Variants in RAPGEF4 observed in about 807,000 individuals in gnomAD.
The protein encoded by RAPGEF4 is RAP guanine-nucleotide-exchange factor (GEF) 4.
In RAPGEF4, 66 loss-of-function variants were observed where a neutral mutation model predicts 147.9. The observed-to-expected ratio is 0.45, with a 90% CI of 0.37 to 0.55. The LOEUF is 0.55. Ranked by LOEUF, RAPGEF4 falls within the 20% of genes least tolerant of loss-of-function variation. RAPGEF4 has a pLI of 0.00. For synonymous variants in RAPGEF4, 419 were observed against 442.7 expected, an observed-to-expected ratio of 0.95 and a Z score of 0.67; for missense variants, 1,071 against 1,257.3, an observed-to-expected ratio of 0.85 and a Z score of 2.24.
chr2:172,820,887 T>G (rs1281374126), intron 4 of RAPGEF4, among the ~76,000 whole-genome samples: 1 of 152,232 alleles, frequency 6.6e-6, no homozygotes. Flanking sequence ...TTACTTCCAT[T>G]TACTGACTTT....
At position 172,740,080 on chromosome 2, in the gene RAPGEF4, C is replaced by T. The variant is rs116419741; in HGVS notation, c.65+4032C>T. On this transcript the variant is annotated intron_variant, in intron 1 of 30. Transcript: ENST00000397081. ...TACATATTGTCTACAGCTGCTTTCC[C>T]GCTGCAGTGGCAGAGTTGAGTAGCT... Among the ~76,000 whole-genome samples the T allele has an allele frequency of 3.0e-3, 463 of 152,284 alleles. 5 individuals are homozygous for T. Among genetic ancestry groups the T allele is most frequent in the African/African-American group, 9.1e-3 (380 of 41,566 alleles).
At chr2:172,847,398 TG>T (rs1285348502) in intron 4 of RAPGEF4, among the ~76,000 whole-genome samples, 2 of 152,184 alleles carry the variant, frequency 1.3e-5, no homozygotes, top group Non-Finnish European at 2.9e-5. Flanking sequence ...GGTGACAGCA[TG>T]GCTTCCCCAG....
chr2:172,821,252 T>G (rs182399088), intron 4 of RAPGEF4, among the ~76,000 whole-genome samples: 112 of 152,326 alleles, frequency 7.4e-4, no homozygotes, highest in African/African-American at 2.5e-3. Context: ...TTAATGGGCT[T>G]GGGTATTGAG....
chr2:173,008,703 G>T (rs1050556432), intron 17 of RAPGEF4, among the ~76,000 whole-genome samples: 3 of 152,242 alleles, frequency 2.0e-5, no homozygotes, highest in Non-Finnish European at 4.4e-5. Flanking sequence ...TACATCCTGG[G>T]AGGTTTTCAC....
At chr2:172,988,904 C>G in intron 14 of RAPGEF4, 65 bp downstream of exon 14, 1 of 1,523,876 alleles carries the variant, frequency 6.6e-7, no homozygotes, top group African/African-American at 1.4e-5. Context: ...ATAAGCAAAG[C>G]TTTGAGCATA....
At chr2:172,822,104 C>G in intron 4 of RAPGEF4, 5 of 1,131,524 alleles carry the variant, frequency 4.4e-6, no homozygotes, top group Non-Finnish European at 6.3e-6. Flanking sequence ...CCACCAGACC[C>G]AAATATGTAC....
chr2:172,872,689 A>G (rs1323438865), intron 4 of RAPGEF4, among the ~76,000 whole-genome samples: 2 of 152,018 alleles, frequency 1.3e-5, no homozygotes, highest in Admixed American at 6.6e-5. Context: ...CTGCTCCACC[A>G]TGGTAAGACA....
At chr2:172,933,310 C>G (rs1686182761) in intron 6 of RAPGEF4, among the ~76,000 whole-genome samples, 1 of 151,832 alleles carries the variant, frequency 6.6e-6, no homozygotes, top group African/African-American at 2.4e-5. Context: ...ATAGGATTTT[C>G]TGATGGATTA....
chr2:172,748,422 A>G (rs561624106), intron 1 of RAPGEF4, among the ~76,000 whole-genome samples: 1 of 152,320 alleles, frequency 6.6e-6, no homozygotes, highest in Non-Finnish European at 1.5e-5. Flanking sequence ...CATGTCTTAC[A>G]TTAGTGGCAG....
intron 4 of RAPGEF4, among the ~76,000 whole-genome samples, chr2:172,889,319 C>A (rs766961646): frequency 2.0e-5 from 3 of 151,996 alleles, no homozygotes; most frequent in Non-Finnish European, 4.4e-5. Flanking sequence ...ACCACTTTTA[C>A]TGGATTTTCA....
intron 1 of RAPGEF4, among the ~76,000 whole-genome samples, chr2:172,786,485 G>A (rs1685211890): frequency 6.6e-6 from 1 of 152,186 alleles, no homozygotes; most frequent in Non-Finnish European, 1.5e-5. Context: ...GAGCATTCAT[G>A]AAAGGATGTG....
chr2:172,972,994 A>C (rs1430315592), intron 10 of RAPGEF4, among the ~76,000 whole-genome samples: 1 of 152,216 alleles, frequency 6.6e-6, no homozygotes, highest in Non-Finnish European at 1.5e-5. Flanking sequence ...TCTTAAAGTT[A>C]AATATCCTTT....
At position 172,735,969 on chromosome 2, in the gene RAPGEF4, GCGC is replaced by G; in HGVS notation, c.-8_-6del. The G allele has an allele frequency of 1.4e-6, 2 of 1,456,016 alleles. No individual in the cohort carries two copies. The highest frequency in any genetic ancestry group is 2.5e-5 in the Admixed American group (1 of 40,208). 90.2% of individuals were successfully genotyped at this position (1,456,016 alleles called of 1,614,324 possible). A position where few individuals can be genotyped will look rare whatever the true frequency, so the allele number is the denominator to read the frequency against. ...AGGTCGCCGCAGCCAGGGACACCGC[GCGC>G]CGCCGCTCAACATGGTCGCTGCGCA... is the stretch of plus-strand genomic sequence containing the variant. On this transcript the variant is annotated 5_prime_UTR_variant, in exon 1 of 31. Transcript: ENST00000397081.
At chr2:172,963,644 C>CTATTG in intron 8 of RAPGEF4, among the ~76,000 whole-genome samples, 1 of 152,248 alleles carries the variant, frequency 6.6e-6, no homozygotes, top group African/African-American at 2.4e-5. Flanking sequence ...AATTAATGAC[C>CTATTG]TATTGGGAAT....
chr2:172,852,780 A>G (rs1264603696), intron 4 of RAPGEF4, among the ~76,000 whole-genome samples: 4 of 152,174 alleles, frequency 2.6e-5, no homozygotes, highest in Non-Finnish European at 4.4e-5. Context: ...TATTAAAGAC[A>G]TATCTTTTTA....
chr2:172,970,401 C>T (rs1052709045), intron 10 of RAPGEF4, among the ~76,000 whole-genome samples: 1 of 152,126 alleles, frequency 6.6e-6, no homozygotes, highest in Non-Finnish European at 1.5e-5. Context: ...AATGTGGAGG[C>T]ATGAGATGCA....
intron 4 of RAPGEF4, among the ~76,000 whole-genome samples, chr2:172,861,859 C>T (rs559836905): frequency 6.6e-6 from 1 of 152,324 alleles, no homozygotes; most frequent in Admixed American, 6.5e-5. Context: ...CCAGCAGCTG[C>T]ACCCAGTGCT....
chr2:172,736,054 TCGCCGGGGGCCG>T lies in RAPGEF4; in HGVS notation c.65+8_65+19del, dbSNP rs1693715804. On this transcript the variant is annotated splice_region_variant and intron_variant, in intron 1 of 30. Coordinates refer to ENST00000397081, the MANE Select transcript of RAPGEF4 (RefSeq NM_007023.4). ...ATCGCCTGCCTGGATAAAAGGTAGC[TCGCCGGGGGCCG>T]CAGCCGGGGGCCGAGCTCTGCGGTG... 2 of 1,318,694 alleles carry T rather than the reference TCGCCGGGGGCCG, an allele frequency of 1.5e-6. No homozygotes were observed. The highest frequency in any genetic ancestry group is 3.7e-5 in the Admixed American group (1 of 26,774). 81.7% of individuals were successfully genotyped at this position (1,318,694 alleles called of 1,614,324 possible). A position where few individuals can be genotyped will look rare whatever the true frequency, so the allele number is the denominator to read the frequency against.
intron 4 of RAPGEF4, among the ~76,000 whole-genome samples, chr2:172,875,219 T>C (rs1695757857): frequency 1.3e-5 from 2 of 152,202 alleles, no homozygotes; most frequent in Admixed American, 6.5e-5. Context: ...CTGATGGTAG[T>C]TTCTTTTGCT....
Sources: allele counts gnomAD v4.1 joint callset (sites outside exome capture counted in the v4.1 genomes callset), GRCh38; gene constraint gnomAD v4.1.1; transcripts MANE v1.5; gene names NCBI Gene and HGNC (gene_info 2026-07-23, HGNC 2026-07-21).